The following PRKN variants were observed in gnomAD, a reference collection of about 807,000 sequenced individuals.
PRKN encodes parkin RBR E3 ubiquitin protein ligase.
In PRKN, 56 loss-of-function variants were observed where a neutral mutation model predicts 59.5. The ratio of observed to expected loss-of-function variants is 0.94; its 90% CI spans 0.76 to 1.18. PRKN has a LOEUF of 1.18. Among genes scored for constraint, PRKN ranks in the 50% most tolerant of loss-of-function variants. PRKN has a pLI of 0.00. For synonymous variants in PRKN, 250 were observed against 222.1 expected (o/e 1.13, Z -1.12); for missense variants, 657 against 596.4 (o/e 1.10, Z -1.06).
chr6:162,272,215 G>A (rs117923734), intron 2 of PRKN, among the ~76,000 whole-genome samples: 1,877 of 152,246 alleles, frequency 0.012, 27 homozygotes, highest in Admixed American at 0.029. Flanking sequence ...GTTTGAGCAT[G>A]TAGGGTCGGG....
rs1222636198 is a variant in PRKN at position 161,621,046 on chromosome 6, C to T, written c.872-51630G>A. On this transcript the variant is annotated intron_variant, in intron 7 of 11. Transcript: ENST00000366898. ...CTTCAAGGGCTCACTTGAGTTTCTG[C>T]ATTCTTCTGTTGATGCTTACCATCA... Among the ~76,000 whole-genome samples, 4 of 152,194 alleles carry T rather than the reference C, an allele frequency of 2.6e-5. No individual in the cohort carries two copies. In the East Asian group the frequency reaches 7.8e-4, roughly 30 times the overall value.
intron 1 of PRKN, among the ~76,000 whole-genome samples, chr6:162,513,744 C>T (rs1450722031): frequency 6.6e-6 from 1 of 152,062 alleles, no homozygotes; most frequent in Non-Finnish European, 1.5e-5. Context: ...GGTAGTAAAA[C>T]TGTCCTCATT....
At chr6:161,888,367 T>G (rs1028620223) in intron 6 of PRKN, among the ~76,000 whole-genome samples, 23 of 152,318 alleles carry the variant, frequency 1.5e-4, no homozygotes, top group Non-Finnish European at 2.2e-4. Flanking sequence ...AACACTTCTG[T>G]TGTAATGCGG....
rs79474231 is a variant in PRKN at position 161,636,963 on chromosome 6, C to T, written c.872-67547G>A. Among the ~76,000 whole-genome samples the T allele has an allele frequency of 4.2e-3, 635 of 152,268 alleles. 12 individuals carry two copies. In the East Asian group the frequency reaches 0.046, roughly 11 times the overall value. Reference sequence around the variant, plus strand: ...GATGAAGTTTTGCAGAAAAAGAACACCTGTTACCAAAAGTGCCACGCCATC... The same window carrying T: ...GATGAAGTTTTGCAGAAAAAGAACATCTGTTACCAAAAGTGCCACGCCATC... On this transcript the variant is annotated intron_variant, in intron 7 of 11. Transcript: ENST00000366898.
In PRKN at chr6:162,128,360, G is replaced by T. The variant is rs149843668; in HGVS notation, c.534+72771C>A. ...ATTTGTGTTTTTAAGGGGTCATACA[G>T]CCTGAAGATACACTATATATATTTG... On this transcript the variant is annotated intron_variant, in intron 4 of 11. Coordinates refer to ENST00000366898, the MANE Select transcript of PRKN (RefSeq NM_004562.3). Among the ~76,000 whole-genome samples the T allele has an allele frequency of 5.6e-4, 85 of 152,274 alleles. 2 individuals carry two copies. Among genetic ancestry groups the T allele is most frequent in the African/African-American group, 2.0e-3 (85 of 41,560 alleles).
chr6:161,765,745 G>A (rs1034942977), intron 7 of PRKN, among the ~76,000 whole-genome samples: 3 of 152,132 alleles, frequency 2.0e-5, no homozygotes, highest in African/African-American at 7.2e-5. Context: ...CATCCAACAA[G>A]AGGTCTTACT....
chr6:162,351,009 C>A (rs568584741), intron 2 of PRKN, among the ~76,000 whole-genome samples: 11 of 152,000 alleles, frequency 7.2e-5, no homozygotes, highest in East Asian at 1.9e-4. Context: ...CAGAGCGAGA[C>A]CCTGACTCTA....
At chr6:161,594,977 T>TG (rs571635106) in intron 7 of PRKN, among the ~76,000 whole-genome samples, 7 of 152,202 alleles carry the variant, frequency 4.6e-5, no homozygotes, top group Admixed American at 2.0e-4. Context: ...GAACACTGGT[T>TG]GGGGGGGTCC....
intron 7 of PRKN, among the ~76,000 whole-genome samples, chr6:161,591,189 G>C (rs555140676): frequency 1.3e-5 from 2 of 152,198 alleles, no homozygotes; most frequent in Non-Finnish European, 2.9e-5. Context: ...AGAAACAAAT[G>C]TGGTCAGTGT....
intron 1 of PRKN, among the ~76,000 whole-genome samples, chr6:162,669,806 A>T (rs1442731367): frequency 6.6e-6 from 1 of 152,188 alleles, no homozygotes; most frequent in Non-Finnish European, 1.5e-5. Context: ...ATAATCTCTT[A>T]CAAATTTCCA....
At chr6:162,062,002 T>C (rs1778124721) in intron 4 of PRKN, among the ~76,000 whole-genome samples, 1 of 152,222 alleles carries the variant, frequency 6.6e-6, no homozygotes, top group Non-Finnish European at 1.5e-5. Flanking sequence ...TGAAATCTAC[T>C]AGGCATTCTT....
At chr6:161,496,919 A>G (rs74640124) in intron 9 of PRKN, among the ~76,000 whole-genome samples, 12,323 of 152,270 alleles carry the variant, frequency 0.081, 726 homozygotes, top group African/African-American at 0.16. Context: ...TTTCAGAGGA[A>G]CATGACCTTG....
chr6:162,323,896 G>A (rs184532515), intron 2 of PRKN, among the ~76,000 whole-genome samples: 1 of 152,010 alleles, frequency 6.6e-6, no homozygotes, highest in Non-Finnish European at 1.5e-5. Flanking sequence ...TCTACTCCTA[G>A]AAATGAAAGC....
At chr6:162,341,775 G>A (rs1390725189) in intron 2 of PRKN, among the ~76,000 whole-genome samples, 1 of 152,040 alleles carries the variant, frequency 6.6e-6, no homozygotes, top group Non-Finnish European at 1.5e-5. Flanking sequence ...GGGGATGGGA[G>A]TGGATAGCAT....
At chr6:162,445,935 A>G (rs1401538190) in intron 1 of PRKN, among the ~76,000 whole-genome samples, 1 of 152,020 alleles carries the variant, frequency 6.6e-6, no homozygotes, top group Non-Finnish European at 1.5e-5. Flanking sequence ...TCCAGATGGC[A>G]CCACAAGAAC....
intron 1 of PRKN, among the ~76,000 whole-genome samples, chr6:162,532,527 C>T (rs1778556002): frequency 6.6e-6 from 1 of 152,184 alleles, no homozygotes; most frequent in Non-Finnish European, 1.5e-5. Context: ...ACTGAAAGCT[C>T]AATGGCTCAA....
At chr6:161,903,281 T>A (rs1778006543) in intron 6 of PRKN, among the ~76,000 whole-genome samples, 1 of 152,170 alleles carries the variant, frequency 6.6e-6, no homozygotes, top group Admixed American at 6.5e-5. Context: ...CTGGCCCAGA[T>A]GGGTGTATTT....
In PRKN at chr6:161,396,932, G is replaced by A. The variant is rs2114969672; in HGVS notation, c.1084-10055C>T. 6.6e-6 allele frequency among the ~76,000 whole-genome samples: 1 copy of A among 152,276 alleles called. No homozygotes were observed. The highest frequency in any genetic ancestry group is 6.5e-5 in the Admixed American group (1 of 15,304). ...TTTGGAGGTTTTGCAGCTCCTCAAT[G>A]ATCAATCAATCAATCAGTCAAAATG... On this transcript the variant is annotated intron_variant, in intron 9 of 11. Coordinates refer to ENST00000366898, the MANE Select transcript of PRKN (RefSeq NM_004562.3). This position sits in a 1 kb window ranked among gnomAD's most constrained non-coding sequence, Gnocchi z 5.4.
At position 161,400,610 on chromosome 6, in the gene PRKN, G is replaced by A. The variant is rs565740785; in HGVS notation, c.1084-13733C>T. Among the ~76,000 whole-genome samples the A allele has an allele frequency of 3.3e-5, 5 of 152,114 alleles. No individual in the cohort carries two copies. Among genetic ancestry groups the A allele is most frequent in the Non-Finnish European group, 5.9e-5 (4 of 68,018 alleles). The stretch of plus-strand genomic sequence containing the variant: ...ATTACAGGCATGAGCCACCACGCTC[G>A]GCCGAAAATTAAACGTATTCTAAGA... On this transcript the variant is annotated intron_variant, in intron 9 of 11. Transcript: ENST00000366898. This position sits in a 1 kb window ranked among gnomAD's most constrained non-coding sequence, Gnocchi z 4.2.
Sources: gnomAD v4.1 joint callset for allele counts (sites outside exome capture counted in the v4.1 genomes callset) on GRCh38, gnomAD v4.1.1 for gene constraint, Gnocchi (gnomAD v3.1) non-coding constraint, MANE v1.5 for transcripts, NCBI Gene and HGNC (gene_info 2026-07-23, HGNC 2026-07-21) for gene names.